NUDT5: variants seen among roughly 807,000 people sequenced by gnomAD.
NUDT5 encodes the protein ADP-sugar pyrophosphatase.
In NUDT5, 21 loss-of-function variants were observed where a neutral mutation model predicts 34.1. That is an observed-to-expected ratio of 0.62 (90% CI 0.44 to 0.89). NUDT5 has a LOEUF of 0.89. Among genes scored for constraint, NUDT5 ranks in the 40% least tolerant of loss-of-function variants. The probability of loss-of-function intolerance (pLI) is 0.00; values close to 1 mark genes in which losing one functional copy is unlikely to be tolerated. For synonymous variants in NUDT5, 85 were observed against 97.6 expected (o/e 0.87, Z 0.76); for missense variants, 249 against 274.8 (o/e 0.91, Z 0.66).
intron 3 of NUDT5, among the ~76,000 whole-genome samples, chr10:12,184,341 G>A (rs1041186948): frequency 2.6e-5 from 4 of 151,786 alleles, no homozygotes; most frequent in African/African-American, 4.8e-5. Context: ...AATTACAGGC[G>A]TGAGCCAACA....
rs1358400181 is a variant in NUDT5, at chr10:12,175,155, A to T, written c.290-1342T>A. Among the ~76,000 whole-genome samples the T allele has an allele frequency of 6.6e-6, 1 of 152,054 alleles. No homozygotes were observed. Among genetic ancestry groups the T allele is most frequent in the Non-Finnish European group, 1.5e-5 (1 of 68,012 alleles). On this transcript the variant is annotated intron_variant, in intron 5 of 9. Transcript: ENST00000491614. The surrounding 1 kb of genome is among the most constrained non-coding windows in gnomAD (Gnocchi z 4.8). ...GCCAACATGGTGAAACCCTGTCTCC[A>T]CTAAAAATACAAAAAATTAGCCAGG...
At chr10:12,179,176 G>T (rs764333863) in intron 3 of NUDT5, 44 bp from the exon 4 acceptor site, 15 of 1,549,310 alleles carry the variant, frequency 9.7e-6, no homozygotes, top group Non-Finnish European at 1.3e-5. Flanking sequence ...TGCTACAGAA[G>T]AGAATTTTCT....
Sources: allele counts gnomAD v4.1 joint callset (sites outside exome capture counted in the v4.1 genomes callset), GRCh38; gene constraint gnomAD v4.1.1; non-coding constraint Gnocchi (gnomAD v3.1); transcripts MANE v1.5; gene names NCBI Gene and HGNC (gene_info 2026-07-23, HGNC 2026-07-21).